Variants in PTPRM observed in about 807,000 individuals in gnomAD.
PTPRM encodes the protein receptor-type tyrosine-protein phosphatase mu.
PTPRM carries 47 observed loss-of-function variants against 186.7 expected under a neutral mutation model. The ratio of observed to expected loss-of-function variants is 0.25; its 90% confidence interval spans 0.20 to 0.32. The LOEUF is 0.32. PTPRM is among the 10% of genes least tolerant of loss of function. The pLI is 1.00. For synonymous variants in PTPRM, 668 were observed against 674.9 expected, an observed-to-expected ratio of 0.99 and a Z score of 0.16; for missense variants, 1,494 against 1,865.0, an observed-to-expected ratio of 0.80 and a Z score of 3.66.
chr18:7,694,860 T>C (rs2039810598), intron 1 of PTPRM, among the ~76,000 whole-genome samples: 1 of 152,184 alleles, frequency 6.6e-6, no homozygotes, highest in South Asian at 2.1e-4. Flanking sequence ...AACAATATTT[T>C]TTAAATTGAA....
chr18:8,268,011 C>A lies in PTPRM; in HGVS notation c.2754+14597C>A, dbSNP rs536987648. Among the ~76,000 whole-genome samples the A allele has an allele frequency of 3.3e-5, 5 of 152,172 alleles. No homozygotes were observed. In the South Asian group the frequency reaches 1.0e-3, roughly 32 times the overall value. The stretch of plus-strand genomic sequence containing the variant: ...TAAGCTCTTTTATTGCCTACCTTTC[C>A]TTTCTTCTGTAGAAACATGTTGTTA... On this transcript the variant is annotated intron_variant, in intron 19 of 32. Coordinates refer to ENST00000580170, the MANE Select transcript of PTPRM (RefSeq NM_001105244.2).
chr18:7,654,968 T>C (rs569360148), intron 1 of PTPRM, among the ~76,000 whole-genome samples: 1 of 152,318 alleles, frequency 6.6e-6, no homozygotes, highest in East Asian at 1.9e-4. Flanking sequence ...TTTAAATAGA[T>C]TTTTCTAGTT....
intron 7 of PTPRM, among the ~76,000 whole-genome samples, chr18:8,021,166 C>T (rs2085194905): frequency 1.3e-5 from 2 of 152,122 alleles, no homozygotes; most frequent in African/African-American, 4.8e-5. Context: ...GGAAAATACT[C>T]TGTGTACTTG....
chr18:8,189,611 C>T (rs867454587), intron 14 of PTPRM, among the ~76,000 whole-genome samples: 3 of 152,144 alleles, frequency 2.0e-5, no homozygotes, highest in Admixed American at 6.5e-5. Context: ...TATGTGGGCT[C>T]TTTATTCGTT....
At chr18:7,842,841 T>TATAGAGAG (rs1555616753) in intron 2 of PTPRM, among the ~76,000 whole-genome samples, 2 of 134,526 alleles carry the variant, frequency 1.5e-5, no homozygotes, top group African/African-American at 2.9e-5. Context: ...TATATATATA[T>TATAGAGAG]AGAGAGAGAG....
At position 8,247,895 on chromosome 18, in the gene PTPRM, T is replaced by C; in HGVS notation, c.2503T>C (p.Ser835Pro). The C allele has an allele frequency of 6.2e-7, 1 of 1,602,762 alleles. No individual in the cohort carries two copies. The highest frequency in any genetic ancestry group is 8.5e-7 in the Non-Finnish European group (1 of 1,169,728). Residue 835 changes from serine (S) to proline (P), a missense_variant, in exon 16 of 33, where the codon TCG (serine) becomes CCG (proline). Ser to Pro is a moderately conservative substitution (Grantham distance 74). Coordinates refer to ENST00000580170, the MANE Select transcript of PTPRM (RefSeq NM_001105244.2). ...FTMKTNTLST[S>P]VPNSYYPDPF... is the part of the protein sequence containing the mutation. ...AATGAAAACAAATACACTGAGCACA[T>C]CGGTGCCTAATTCCTATTACCCAGG...
chr18:7,884,151 A>G (rs955173237), intron 2 of PTPRM, among the ~76,000 whole-genome samples: 3 of 152,114 alleles, frequency 2.0e-5, no homozygotes, highest in African/African-American at 7.2e-5. Context: ...TGTCTCTAAA[A>G]AAGAGCCACA....
chr18:7,655,845 G>T (rs2038833998), intron 1 of PTPRM, among the ~76,000 whole-genome samples: 1 of 152,162 alleles, frequency 6.6e-6, no homozygotes, highest in Non-Finnish European at 1.5e-5. Context: ...GCAAAACTAT[G>T]TACATAGGAA....
chr18:7,604,287 G>T (rs1031758519), intron 1 of PTPRM, among the ~76,000 whole-genome samples: 2 of 152,180 alleles, frequency 1.3e-5, no homozygotes, highest in Non-Finnish European at 2.9e-5. Context: ...GAGACACAGC[G>T]GCTGCCTGGC....
intron 2 of PTPRM, among the ~76,000 whole-genome samples, chr18:7,880,046 C>A (rs1296582138): frequency 6.6e-6 from 1 of 152,070 alleles, no homozygotes; most frequent in East Asian, 1.9e-4. Context: ...GGGGAAAGCC[C>A]CTTATAAAAC....
At chr18:7,791,052 AAG>A (rs1356034080) in intron 2 of PTPRM, among the ~76,000 whole-genome samples, 1 of 152,204 alleles carries the variant, frequency 6.6e-6, no homozygotes, top group Non-Finnish European at 1.5e-5. Context: ...TCATTATTTG[AAG>A]ACTCATCTTA....
chr18:7,656,634 A>G (rs1054874258), intron 1 of PTPRM, among the ~76,000 whole-genome samples: 7 of 152,086 alleles, frequency 4.6e-5, no homozygotes, highest in Non-Finnish European at 7.4e-5. Flanking sequence ...GTGGAGAGGG[A>G]TATAAGGTAG....
intron 21 of PTPRM, among the ~76,000 whole-genome samples, chr18:8,318,814 C>G (rs1362278630): frequency 6.6e-6 from 1 of 152,224 alleles, no homozygotes; most frequent in Non-Finnish European, 1.5e-5. Context: ...TGGCATATTG[C>G]CAATGACATC....
intron 7 of PTPRM, among the ~76,000 whole-genome samples, chr18:8,048,377 G>A (rs755555082): frequency 1.3e-5 from 2 of 151,632 alleles, no homozygotes; most frequent in African/African-American, 2.4e-5. Context: ...TAAAAGTGGC[G>A]GGTTCATTTT....
At chr18:8,320,417 T>G (rs556364453) in intron 22 of PTPRM, among the ~76,000 whole-genome samples, 1 of 152,296 alleles carries the variant, frequency 6.6e-6, no homozygotes, top group African/African-American at 2.4e-5. Context: ...ATTCCAATGC[T>G]TGGATCTGCC....
chr18:8,164,398 C>G (rs1219007548), intron 14 of PTPRM, among the ~76,000 whole-genome samples: 2 of 152,174 alleles, frequency 1.3e-5, no homozygotes, highest in East Asian at 3.9e-4. Context: ...ATTTGTATAC[C>G]TCTGTTCATG....
chr18:7,910,827 T>A (rs2050224444), intron 4 of PTPRM, among the ~76,000 whole-genome samples: 1 of 152,202 alleles, frequency 6.6e-6, no homozygotes, highest in Non-Finnish European at 1.5e-5. Flanking sequence ...CTGGTCCTTT[T>A]GTCACTTGGG....
rs534311384 is a variant in PTPRM, at chr18:8,198,109, G to C, written c.2301-45949G>C. Among the ~76,000 whole-genome samples, 8 of 152,326 alleles carry C rather than the reference G, an allele frequency of 5.3e-5. No individual in the cohort carries two copies. In the South Asian group the frequency reaches 1.7e-3, roughly 32 times the overall value. ...GTTCCTTTTGCTAGGCTATGAACTA[G>C]AGGGAGGGTGTGCATTCATTTCACT... On this transcript the variant is annotated intron_variant, in intron 14 of 32. Coordinates refer to ENST00000580170, the MANE Select transcript of PTPRM (RefSeq NM_001105244.2).
At chr18:7,774,551 G>T (rs1408265975) in intron 2 of PTPRM, among the ~76,000 whole-genome samples, 1 of 152,184 alleles carries the variant, frequency 6.6e-6, no homozygotes, top group African/African-American at 2.4e-5. Flanking sequence ...CAGCAAATAT[G>T]AGAAAAAGAT....
Sources: allele counts gnomAD v4.1 joint callset (sites outside exome capture counted in the v4.1 genomes callset), GRCh38; gene constraint gnomAD v4.1.1; transcripts MANE v1.5; gene names NCBI Gene and HGNC (gene_info 2026-07-23, HGNC 2026-07-21).